Variants in SNX13 observed in about 807,000 individuals in gnomAD.
The protein encoded by SNX13 is sorting nexin-13.
In SNX13, 45 loss-of-function variants were observed where a neutral mutation model predicts 133.6. The ratio of observed to expected loss-of-function variants is 0.34; its 90% CI spans 0.27 to 0.43. The LOEUF (loss-of-function observed/expected upper bound fraction) is 0.43, where lower values mean the gene tolerates loss of function less well. SNX13 is among the 20% of genes least tolerant of loss of function. SNX13 has a pLI of 1.00. For synonymous variants in SNX13, 414 were observed against 373.9 expected, an observed-to-expected ratio of 1.11 and a Z score of -1.24; for missense variants, 1,032 against 1,145.1, an observed-to-expected ratio of 0.90 and a Z score of 1.43.
intron 9 of SNX13, among the ~76,000 whole-genome samples, chr7:17,865,104 G>A (rs534179643): frequency 5.9e-5 from 9 of 152,222 alleles, no homozygotes; most frequent in African/African-American, 1.9e-4. Context: ...AATCCTAAAG[G>A]GAGTTTTTCA....
At chr7:17,923,950 C>G (rs559440184) in intron 1 of SNX13, among the ~76,000 whole-genome samples, 21 of 152,110 alleles carry the variant, frequency 1.4e-4, no homozygotes, top group Non-Finnish European at 2.9e-4. Context: ...TAGAATTCAT[C>G]AAAAATACAT....
chr7:17,846,292 C>T (rs919591848), intron 11 of SNX13, among the ~76,000 whole-genome samples: 5 of 151,588 alleles, frequency 3.3e-5, no homozygotes, highest in African/African-American at 4.8e-5. Flanking sequence ...AGAGCATCTA[C>T]GTATCAGGCT....
rs113875899 is a variant in SNX13, at chr7:17,868,482, A to C, written c.762T>G (p.Leu254=). The change falls in exon 9 of 26, where the codon CTT becomes CTG. Residue 254 remains leucine, a synonymous_variant. Transcript: ENST00000428135. ...TTAATGGAAGAAGAATTCCTCGTGCAAGGATTTCCTGAAAAAAAAGTAAAT... is the reference window on the plus strand; with the variant it reads ...TTAATGGAAGAAGAATTCCTCGTGCCAGGATTTCCTGAAAAAAAAGTAAAT... ...KIMRYFVREI[L]ARGILLPLIN... is the part of the protein sequence containing the mutation. The C allele has an allele frequency of 1.2e-4, 192 of 1,604,684 alleles. 1 individual carries two copies. The highest frequency in any genetic ancestry group is 3.3e-4 in the Middle Eastern group (2 of 6,024).
At chr7:17,915,068 C>T (rs1164823844) in intron 1 of SNX13, among the ~76,000 whole-genome samples, 1 of 152,094 alleles carries the variant, frequency 6.6e-6, no homozygotes, top group Middle Eastern at 3.2e-3. Flanking sequence ...AGAGGGATTG[C>T]TATTCTTGTA....
intron 1 of SNX13, among the ~76,000 whole-genome samples, chr7:17,927,983 C>T (rs1053780639): frequency 1.3e-5 from 2 of 152,170 alleles, no homozygotes; most frequent in Admixed American, 6.5e-5. Flanking sequence ...GTCCCCCCAT[C>T]CATCTCTCAT....
At chr7:17,819,478 C>T (rs2128301143) in intron 18 of SNX13, among the ~76,000 whole-genome samples, 1 of 152,278 alleles carries the variant, frequency 6.6e-6, no homozygotes, top group South Asian at 2.1e-4. Context: ...CTGCCCACCT[C>T]AGCCTCCCAA....
chr7:17,806,888 T>G (rs1425530152), intron 20 of SNX13, among the ~76,000 whole-genome samples: 1 of 152,184 alleles, frequency 6.6e-6, no homozygotes, highest in African/African-American at 2.4e-5. Flanking sequence ...AGGGAAGCCA[T>G]GAAGGACTGT....
intron 1 of SNX13, among the ~76,000 whole-genome samples, chr7:17,923,490 T>G (rs890415874): frequency 1.3e-5 from 2 of 152,122 alleles, no homozygotes; most frequent in African/African-American, 4.8e-5. Context: ...AAACAGACGA[T>G]CCTCAAGAAT....
At chr7:17,917,554 T>A (rs1230862523) in intron 1 of SNX13, among the ~76,000 whole-genome samples, 4 of 148,466 alleles carry the variant, frequency 2.7e-5, no homozygotes, top group African/African-American at 1.0e-4. Context: ...GCAACAGCAA[T>A]AAAAAGAAAA....
At chr7:17,840,554 T>A (rs574026560) in intron 12 of SNX13, among the ~76,000 whole-genome samples, 28 of 152,168 alleles carry the variant, frequency 1.8e-4, no homozygotes, top group East Asian at 1.7e-3. Context: ...ATGTTCCCAA[T>A]AAAGTACTCT....
intron 25 of SNX13, chr7:17,796,333 T>C (rs1053538383): frequency 6.5e-6 from 1 of 152,750 alleles, no homozygotes; most frequent in Admixed American, 6.5e-5. Flanking sequence ...GCCAATCAGT[T>C]CTTTCTATGT....
intron 17 of SNX13, among the ~76,000 whole-genome samples, chr7:17,823,204 G>A (rs532185785): frequency 6.6e-6 from 1 of 152,038 alleles, no homozygotes; most frequent in Non-Finnish European, 1.5e-5. Flanking sequence ...ATGGTCTACG[G>A]CATCTGTAGA....
rs1783634635 is a variant in SNX13, at chr7:17,792,388, A to ACATGCAACATATGCTGAATATATG, written c.*1633_*1656dup. ...GATTTCATTTTATGTAATTCTGAAGACATGCAACATATGCTGAATATATGC... is the reference window on the plus strand; with the variant it reads ...GATTTCATTTTATGTAATTCTGAAGACATGCAACATATGCTGAATATATGCATGCAACATATGCTGAATATATGC... On this transcript the variant is annotated 3_prime_UTR_variant, in exon 26 of 26. Coordinates refer to ENST00000428135, the MANE Select transcript of SNX13 (RefSeq NM_015132.5). The ACATGCAACATATGCTGAATATATG allele has an allele frequency of 6.6e-6, 1 of 152,292 alleles. No homozygotes were observed. Among genetic ancestry groups the ACATGCAACATATGCTGAATATATG allele is most frequent in the Non-Finnish European group, 1.5e-5 (1 of 67,926 alleles). The allele number at this position is 152,292 out of a possible 1,614,324, so 9.4% of individuals were successfully genotyped here.
chr7:17,878,776 T>C (rs1415058946), intron 5 of SNX13, among the ~76,000 whole-genome samples: 1 of 152,190 alleles, frequency 6.6e-6, no homozygotes, highest in African/African-American at 2.4e-5. Context: ...GTGTATTTCC[T>C]CATCACCATC....
intron 1 of SNX13, chr7:17,897,998 T>A (rs1472104979): frequency 6.6e-6 from 1 of 151,962 alleles, no homozygotes; most frequent in African/African-American, 2.4e-5. Flanking sequence ...CATACAATTA[T>A]AATTACAAAA....
In SNX13 at chr7:17,920,954, T is replaced by C. The variant is rs543408641; in HGVS notation, c.12+19330A>G. Among the ~76,000 whole-genome samples the C allele has an allele frequency of 2.0e-4, 30 of 152,302 alleles. No homozygotes were observed. In the South Asian group the frequency reaches 6.0e-3, roughly 30 times the overall value. ...TTTGCCATCATTTGGTGCAGCAGCG[T>C]GTACTCAGCCAAGCAGCGCACTGGA... On this transcript the variant is annotated intron_variant, in intron 1 of 25. Coordinates refer to ENST00000428135, the MANE Select transcript of SNX13 (RefSeq NM_015132.5).
At chr7:17,918,927 C>G (rs556520781) in intron 1 of SNX13, among the ~76,000 whole-genome samples, 2 of 152,280 alleles carry the variant, frequency 1.3e-5, no homozygotes, top group East Asian at 3.9e-4. Context: ...AGAATGAAAT[C>G]ATGTCCTTTG....
At chr7:17,819,951 C>G (rs1017402558) in intron 18 of SNX13, among the ~76,000 whole-genome samples, 2 of 151,994 alleles carry the variant, frequency 1.3e-5, no homozygotes, top group African/African-American at 4.8e-5. Context: ...AAAACATGTC[C>G]ATTTCACTCA....
chr7:17,903,030 G>C (rs1286770100), intron 1 of SNX13, among the ~76,000 whole-genome samples: 2 of 152,098 alleles, frequency 1.3e-5, no homozygotes, highest in Non-Finnish European at 2.9e-5. Flanking sequence ...ATGAAACTGG[G>C]GGTCCCTGGT....
Sources: gnomAD v4.1 joint callset for allele counts (sites outside exome capture counted in the v4.1 genomes callset) on GRCh38, gnomAD v4.1.1 for gene constraint, MANE v1.5 for transcripts, NCBI Gene and HGNC (gene_info 2026-07-23, HGNC 2026-07-21) for gene names.